The following MTAP variants were observed in gnomAD, a reference collection of about 807,000 sequenced individuals.
MTAP encodes the protein methylthioadenosine phosphorylase.
In MTAP, 33 loss-of-function variants were observed where a neutral mutation model predicts 33.6. That is an observed-to-expected ratio of 0.98 (90% CI 0.74 to 1.31). MTAP has a LOEUF of 1.31. Ranked by LOEUF, MTAP falls within the 40% of genes most tolerant of loss-of-function variation. MTAP has a pLI of 0.00. For missense variants in MTAP, 367 were observed against 360.0 expected, an observed-to-expected ratio of 1.02 and a Z score of -0.16; for synonymous variants, 148 against 125.7, an observed-to-expected ratio of 1.18 and a Z score of -1.19.
chr9:21,871,660 A>G (rs999312269), downstream of MTAP, among the ~76,000 whole-genome samples: 2 of 152,196 alleles, frequency 1.3e-5, no homozygotes, highest in Non-Finnish European at 2.9e-5. Flanking sequence ...TTATGCCTAT[A>G]GAAGTTTTAG....
At chr9:21,916,138 A>C (rs569476803) in intron 1 of MTAP, among the ~76,000 whole-genome samples, 17 of 149,654 alleles carry the variant, frequency 1.1e-4, no homozygotes, top group Middle Eastern at 3.4e-3. Context: ...GAAGGAAGGA[A>C]AATAACCTAG....
chr9:21,920,584 G>T (rs1237072306), intron 1 of MTAP, among the ~76,000 whole-genome samples: 1 of 152,036 alleles, frequency 6.6e-6, no homozygotes, highest in Non-Finnish European at 1.5e-5. Flanking sequence ...CCTTCCAATA[G>T]CCCACTCGAA....
Position 21,845,259 on chromosome 9 carries a change from T to C in MTAP, c.450+7249T>C, listed in dbSNP as rs376594022. 2.9e-3 allele frequency among the ~76,000 whole-genome samples: 436 copies of C among 152,260 alleles called. 2 individuals carry two copies. Among genetic ancestry groups the C allele is most frequent in the African/African-American group, 0.01 (416 of 41,558 alleles). On this transcript the variant is annotated intron_variant, in intron 5 of 7. Transcript: ENST00000644715. ...TCAAACTGTTGCTGTTCACCAATGA[T>C]ATGATCGTATACCTAGAAAACCCTA...
At chr9:21,931,471 A>C, downstream of MTAP, 1 of 307,260 alleles carries the variant, frequency 3.3e-6, no homozygotes, top group Non-Finnish European at 6.0e-6. Flanking sequence ...GGGAAAGACA[A>C]TCTCCCAATA....
chr9:21,876,545 A>G (rs2118673859), intron 1 of MTAP, among the ~76,000 whole-genome samples: 1 of 152,196 alleles, frequency 6.6e-6, no homozygotes, highest in African/African-American at 2.4e-5. Flanking sequence ...TGATTTTTGT[A>G]TATGGTATAA....
At chr9:21,855,819 A>G (rs1825629939) in intron 6 of MTAP, among the ~76,000 whole-genome samples, 1 of 152,190 alleles carries the variant, frequency 6.6e-6, no homozygotes, top group Non-Finnish European at 1.5e-5. Context: ...TGTGATAGGT[A>G]TGTCCCTACC....
chr9:21,866,866 C>G lies in MTAP; in HGVS notation c.*4852C>G, dbSNP rs1382608688. 6.6e-6 allele frequency: 1 copy of G among 151,896 alleles called. No homozygotes were observed. Among genetic ancestry groups the G allele is most frequent in the Admixed American group, 6.6e-5 (1 of 15,234 alleles). The allele number at this position is 151,896 out of a possible 1,614,324, so 9.4% of individuals were successfully genotyped here. A position where few individuals can be genotyped will look rare whatever the true frequency, so the allele number is the denominator to read the frequency against. ...TGGTATGTTTCTGCATTTATTTGGG[C>G]CTTTTAAAATTTATCTCAGCAATAT... On this transcript the variant is annotated 3_prime_UTR_variant, in exon 8 of 8. Transcript: ENST00000644715.
intron 4 of MTAP, among the ~76,000 whole-genome samples, chr9:21,833,967 A>C (rs1291961202): frequency 6.6e-6 from 1 of 151,956 alleles, no homozygotes; most frequent in East Asian, 1.9e-4. Context: ...GCCAGCACAC[A>C]TCATTTTGTC....
intron 4 of MTAP, among the ~76,000 whole-genome samples, chr9:21,827,742 A>T (rs1048969309): frequency 3.5e-4 from 53 of 152,344 alleles, no homozygotes; most frequent in African/African-American, 1.3e-3. Flanking sequence ...GGGCTTGAAC[A>T]TAGTCATTTG....
At position 21,859,368 on chromosome 9, in the gene MTAP, C is replaced by T; in HGVS notation, c.756C>T (p.Leu252=). 5.6e-6 allele frequency: 9 copies of T among 1,613,690 alleles called. No homozygotes were observed. Among genetic ancestry groups the T allele is most frequent in the Non-Finnish European group, 7.6e-6 (9 of 1,179,790 alleles). ...CTAATAAAGCCAAAAGCTTACTGCT[C>T]ACTACCATACCTCAGATAGGGTCCA... ...ENANKAKSLL[L]TTIPQIGSTE... is the part of the protein sequence containing the mutation. Residue 252 remains leucine, a synonymous_variant, in exon 7 of 8, where the codon CTC becomes CTT. Transcript: ENST00000644715.
At chr9:21,909,267 C>T (rs1261363148) in intron 1 of MTAP, among the ~76,000 whole-genome samples, 1 of 151,960 alleles carries the variant, frequency 6.6e-6, no homozygotes, top group Non-Finnish European at 1.5e-5. Context: ...GTTGACAATT[C>T]TTTTCTTTTA....
At chr9:21,849,293 A>T (rs1825456291) in intron 5 of MTAP, among the ~76,000 whole-genome samples, 1 of 152,156 alleles carries the variant, frequency 6.6e-6, no homozygotes, top group African/African-American at 2.4e-5. Context: ...GGGGAAAGGG[A>T]AATAATCAGA....
intron 4 of MTAP, among the ~76,000 whole-genome samples, chr9:21,832,236 AGACCAGCCCTGC>A (rs779144398): frequency 6.6e-6 from 1 of 152,220 alleles, no homozygotes; most frequent in Non-Finnish European, 1.5e-5. Context: ...CTTCTCCCAG[AGACCAGCCCTGC>A]CTTGGGCTTC....
intron 6 of MTAP, 139 bp from the exon 7 acceptor site, chr9:21,859,164 T>C (rs1018887368): frequency 5.1e-5 from 65 of 1,273,120 alleles, no homozygotes; most frequent in Non-Finnish European, 6.5e-5. Flanking sequence ...ATACCCTACA[T>C]TGAGGATTCG....
At chr9:21,879,263 A>G (rs1394627957) in intron 1 of MTAP, among the ~76,000 whole-genome samples, 43 of 152,124 alleles carry the variant, frequency 2.8e-4, no homozygotes, top group Admixed American at 2.8e-3. Flanking sequence ...TATTTAGTAT[A>G]TTTAGGCTTC....
At position 21,877,386 on chromosome 9, in the gene MTAP, A is replaced by G. The variant is rs565146313; in HGVS notation, c.147+22516A>G. On this transcript the variant is annotated intron_variant, in intron 1 of 1. Coordinates refer to the MTAP transcript ENST00000577563. ...CCTGATTGCTCCAGCCAGGACATCCAATGCAATGTTGAATAGGAGTGGTAA... is the reference window on the plus strand; with the variant it reads ...CCTGATTGCTCCAGCCAGGACATCCGATGCAATGTTGAATAGGAGTGGTAA... Among the ~76,000 whole-genome samples the G allele has an allele frequency of 2.6e-5, 4 of 152,208 alleles. No individual in the cohort carries two copies. The South Asian group carries it at 8.3e-4, about 32-fold the overall frequency.
intron 1 of MTAP, among the ~76,000 whole-genome samples, chr9:21,923,423 G>T (rs1287204642): frequency 6.6e-6 from 1 of 152,110 alleles, no homozygotes; most frequent in African/African-American, 2.4e-5. Flanking sequence ...TTTGCCATTT[G>T]TGGGCTCTTA....
At chr9:21,883,195 ACAAT>A (rs934968329) in intron 1 of MTAP, among the ~76,000 whole-genome samples, 2 of 152,112 alleles carry the variant, frequency 1.3e-5, no homozygotes, top group African/African-American at 2.4e-5. Context: ...AAAAAGGCAA[ACAAT>A]CAATTAGAAA....
In MTAP at chr9:21,842,045, G is replaced by A. The variant is rs80023157; in HGVS notation, c.450+4035G>A. 4.5e-3 allele frequency among the ~76,000 whole-genome samples: 691 copies of A among 152,202 alleles called. 6 individuals carry two copies. The highest frequency in any genetic ancestry group is 0.015 in the African/African-American group (606 of 41,528). On this transcript the variant is annotated intron_variant, in intron 5 of 7. Coordinates refer to ENST00000644715, the MANE Select transcript of MTAP (RefSeq NM_002451.4). ...ATTTTAAAAAACAATACAGGATATG[G>A]ATGAAAACTTCTGCAGAGAAATATC...
Sources: gnomAD v4.1 joint callset for allele counts (sites outside exome capture counted in the v4.1 genomes callset) on GRCh38, gnomAD v4.1.1 for gene constraint, MANE v1.5 for transcripts, NCBI Gene and HGNC (gene_info 2026-07-23, HGNC 2026-07-21) for gene names.